SLC41A2: variants seen among roughly 807,000 people sequenced by gnomAD.
The protein encoded by SLC41A2 is SLC41A1-like 1.
A neutral mutation model predicts 58.3 loss-of-function variants in SLC41A2; 32 were observed. The ratio of observed to expected loss-of-function variants is 0.55; its 90% CI spans 0.41 to 0.74. SLC41A2 has a LOEUF of 0.74. Among genes scored for constraint, SLC41A2 ranks in the 30% least tolerant of loss-of-function variants. The pLI is 0.00. For synonymous variants in SLC41A2, 190 were observed against 235.0 expected, an observed-to-expected ratio of 0.81 and a Z score of 1.75; for missense variants, 514 against 680.6, an observed-to-expected ratio of 0.76 and a Z score of 2.72.
intron 10 of SLC41A2, among the ~76,000 whole-genome samples, chr12:104,828,627 C>G (rs897874497): frequency 6.6e-6 from 1 of 151,984 alleles, no homozygotes; most frequent in Non-Finnish European, 1.5e-5. Context: ...ACGGAAGAAG[C>G]GAGCCATACC....
intron 5 of SLC41A2, among the ~76,000 whole-genome samples, chr12:104,886,958 A>G (rs1448162259): frequency 6.6e-6 from 1 of 152,052 alleles, no homozygotes; most frequent in Non-Finnish European, 1.5e-5. Flanking sequence ...AAATTTTAAA[A>G]CACTGAAGGC....
intron 4 of SLC41A2, among the ~76,000 whole-genome samples, chr12:104,889,710 T>C (rs2044854062): frequency 6.6e-6 from 1 of 152,202 alleles, no homozygotes. Context: ...GATTATTCCC[T>C]GCCCTCACAG....
Position 104,889,115 on chromosome 12 carries a change from T to C in SLC41A2, c.798A>G (p.Pro266=), listed in dbSNP as rs17036463. The C allele has an allele frequency of 0.035, 56,929 of 1,611,320 alleles. 1,321 individuals are homozygous for C. Among genetic ancestry groups the C allele is most frequent in the East Asian group, 0.093 (4,173 of 44,784 alleles). The change falls in exon 5 of 11, where the codon CCA becomes CCG. Residue 266 remains proline, a synonymous_variant. Transcript: ENST00000258538. ...AVAAIILGWI[P]EGKYYLDHSI... is the part of the protein sequence containing the mutation. ...AATGATCAAGGTAATATTTTCCTTC[T>C]GGAATCCAGCCCAATATAATTGCTG...
intron 8 of SLC41A2, among the ~76,000 whole-genome samples, chr12:104,858,458 C>G (rs1429742087): frequency 6.6e-6 from 1 of 152,058 alleles, no homozygotes; most frequent in Non-Finnish European, 1.5e-5. Context: ...CTGTAAGTTA[C>G]CTGGTACATA....
intron 10 of SLC41A2, among the ~76,000 whole-genome samples, chr12:104,821,808 T>C (rs1290933224): frequency 6.6e-6 from 1 of 152,192 alleles, no homozygotes; most frequent in African/African-American, 2.4e-5. Flanking sequence ...GCAATTGTAG[T>C]GTTGTATTTT....
At chr12:104,918,756 C>A (rs1174111201) in intron 2 of SLC41A2, among the ~76,000 whole-genome samples, 3 of 151,882 alleles carry the variant, frequency 2.0e-5, no homozygotes, top group African/African-American at 7.2e-5. Context: ...TATGCTTAAC[C>A]AGGTACACAT....
At chr12:104,913,243 A>C (rs568904791) in intron 2 of SLC41A2, among the ~76,000 whole-genome samples, 9 of 152,298 alleles carry the variant, frequency 5.9e-5, no homozygotes, top group African/African-American at 2.2e-4. Context: ...TCTTACGGCC[A>C]AGAGGACAGC....
intron 10 of SLC41A2, among the ~76,000 whole-genome samples, chr12:104,807,158 G>C (rs1326123874): frequency 6.6e-5 from 10 of 152,136 alleles, no homozygotes; most frequent in Admixed American, 6.5e-4. Flanking sequence ...TGTCCTGAAT[G>C]GTATTGCCTA....
chr12:104,851,879 T>C (rs1305268429), intron 8 of SLC41A2: 1 of 152,142 alleles, frequency 6.6e-6, no homozygotes, highest in Non-Finnish European at 1.5e-5. Context: ...GTTGCTAAAG[T>C]TGGTATATGA....
chr12:104,933,378 A>G (rs752798913), intron 1 of SLC41A2, among the ~76,000 whole-genome samples: 15 of 152,238 alleles, frequency 9.9e-5, no homozygotes, highest in Admixed American at 3.3e-4. Flanking sequence ...GTCAATAAAC[A>G]ATAGATGTTA....
chr12:104,925,619 T>C (rs1009156479), intron 2 of SLC41A2, among the ~76,000 whole-genome samples: 2 of 152,246 alleles, frequency 1.3e-5, no homozygotes, highest in Admixed American at 1.3e-4. Context: ...AAGTTTAACA[T>C]TATAAAGTCC....
chr12:104,907,206 CT>C (rs10714684), intron 3 of SLC41A2, among the ~76,000 whole-genome samples: 111,267 of 126,798 alleles, frequency 0.88, 48,399 homozygotes, highest in East Asian at 0.96. Flanking sequence ...ATGTCCCCAT[CT>C]TTTTTTTTTT....
chr12:104,812,303 G>A (rs867568241), intron 10 of SLC41A2, among the ~76,000 whole-genome samples: 4 of 152,200 alleles, frequency 2.6e-5, no homozygotes, highest in Admixed American at 6.5e-5. Flanking sequence ...TGATGTGAAT[G>A]TTAAATAATG....
At chr12:104,841,345 G>A in intron 10 of SLC41A2, among the ~76,000 whole-genome samples, 1 of 150,770 alleles carries the variant, frequency 6.6e-6, no homozygotes. Flanking sequence ...GTTCTTCTGT[G>A]ATTTCTTGTA....
intron 10 of SLC41A2, among the ~76,000 whole-genome samples, chr12:104,816,685 C>T (rs1246483848): frequency 6.6e-6 from 1 of 152,196 alleles, no homozygotes; most frequent in Non-Finnish European, 1.5e-5. Flanking sequence ...AGAAACTTAT[C>T]TGACTGTGGT....
At position 104,805,335 on chromosome 12, in the gene SLC41A2, T is replaced by C. The variant is rs2040853706; in HGVS notation, c.1539A>G (p.Val513=). The stretch of plus-strand genomic sequence containing the variant: ...AGTCAGCAATCCACAGCAAGGTAAA[T>C]ACCTAGAAGAGAACAACAGAGATTA... ...VVYLFGAVLQ[V]FTLLWIADWM... The change falls in exon 11 of 11, where the codon GTA becomes GTG. Residue 513 remains valine (V), a splice_region_variant and synonymous_variant. Transcript: ENST00000258538. 2 of 1,611,628 alleles carry C rather than the reference T, an allele frequency of 1.2e-6. No individual in the cohort carries two copies. Among genetic ancestry groups the C allele is most frequent in the African/African-American group, 2.7e-5 (2 of 74,742 alleles).
At chr12:104,882,153 T>G (rs1004546189) in intron 6 of SLC41A2, among the ~76,000 whole-genome samples, 9 of 152,112 alleles carry the variant, frequency 5.9e-5, no homozygotes, top group Non-Finnish European at 1.2e-4. Context: ...CTTTTTTTTT[T>G]GTTTTCCATT....
chr12:104,864,771 T>C (rs1160749083), intron 7 of SLC41A2, among the ~76,000 whole-genome samples: 1 of 152,174 alleles, frequency 6.6e-6, no homozygotes, highest in African/African-American at 2.4e-5. Context: ...GAGCTCTTTG[T>C]GTTTTTCAAA....
intron 7 of SLC41A2, 88 bp downstream of exon 7, chr12:104,866,344 T>C: frequency 7.2e-7 from 1 of 1,390,780 alleles, no homozygotes; most frequent in Non-Finnish European, 9.4e-7. Context: ...TGCATGTACA[T>C]ATATGCTTAT....
Sources: allele counts gnomAD v4.1 joint callset (sites outside exome capture counted in the v4.1 genomes callset), GRCh38; gene constraint gnomAD v4.1.1; transcripts MANE v1.5; gene names NCBI Gene and HGNC (gene_info 2026-07-23, HGNC 2026-07-21).